The following EXOC4 variants were observed in gnomAD, a reference collection of about 807,000 sequenced individuals.
EXOC4 encodes SEC8-like 1.
In EXOC4, 71 loss-of-function variants were observed where a neutral mutation model predicts 107.2. The observed-to-expected ratio is 0.66, with a 90% CI of 0.55 to 0.81. The LOEUF is 0.81. EXOC4 is among the 30% of genes least tolerant of loss of function. EXOC4 has a pLI of 0.00. For missense variants in EXOC4, 1,108 were observed against 1,189.6 expected, an observed-to-expected ratio of 0.93 and a Z score of 1.01; for synonymous variants, 456 against 441.2, an observed-to-expected ratio of 1.03 and a Z score of -0.42.
At chr7:133,792,280 A>C (rs1796718834) in intron 10 of EXOC4, among the ~76,000 whole-genome samples, 1 of 152,084 alleles carries the variant, frequency 6.6e-6, no homozygotes, top group Non-Finnish European at 1.5e-5. Flanking sequence ...CCTTAAAATG[A>C]GATGGCTCAC....
chr7:133,985,568 G>C (rs1209474806), intron 14 of EXOC4, among the ~76,000 whole-genome samples: 2 of 152,150 alleles, frequency 1.3e-5, no homozygotes, highest in Non-Finnish European at 2.9e-5. Context: ...TAGGGCCAAT[G>C]AGCTTTCTTT....
At chr7:133,600,313 T>C (rs2150986397) in intron 9 of EXOC4, among the ~76,000 whole-genome samples, 1 of 152,320 alleles carries the variant, frequency 6.6e-6, no homozygotes, top group South Asian at 2.1e-4. Flanking sequence ...GGTATCTTGG[T>C]TTTCTCACTG....
intron 10 of EXOC4, among the ~76,000 whole-genome samples, chr7:133,646,168 T>C (rs922751225): frequency 1.8e-4 from 27 of 152,230 alleles, no homozygotes; most frequent in African/African-American, 6.3e-4. Flanking sequence ...ACTTCCACCT[T>C]ACTGAACATC....
chr7:133,727,826 A>G (rs1415564329), intron 10 of EXOC4: 1 of 152,148 alleles, frequency 6.6e-6, no homozygotes, highest in Non-Finnish European at 1.5e-5. Context: ...GATTACTCCC[A>G]TTTTTATTCG....
At position 133,895,603 on chromosome 7, in the gene EXOC4, C is replaced by T. The variant is rs371277479; in HGVS notation, c.1739C>T (p.Thr580Ile). The T allele has an allele frequency of 1.9e-6, 3 of 1,613,836 alleles. No homozygotes were observed. Among genetic ancestry groups the T allele is most frequent in the Non-Finnish European group, 2.5e-6 (3 of 1,179,850 alleles). The change falls in exon 12 of 18, where the codon ACA (threonine) becomes ATA (isoleucine). Residue 580 changes from threonine (T) to isoleucine (I), a missense_variant. Coordinates refer to ENST00000253861, the MANE Select transcript of EXOC4 (RefSeq NM_021807.4). ...CTCTTTGTTGTTCATTTCCAGAGCA[C>T]AATCATTGTGGAGAAGACAGTTCAA... ...LGVQRPLLQS[T>I]IIVEKTVQDL...
At chr7:133,680,738 C>T (rs548964166) in intron 10 of EXOC4, among the ~76,000 whole-genome samples, 3 of 152,292 alleles carry the variant, frequency 2.0e-5, no homozygotes, top group Admixed American at 1.3e-4. Flanking sequence ...CCCCTAATCA[C>T]AGAAGTCTTT....
intron 9 of EXOC4, among the ~76,000 whole-genome samples, chr7:133,501,718 ACCT>A (rs1389132108): frequency 9.2e-5 from 14 of 151,890 alleles, no homozygotes; most frequent in African/African-American, 3.4e-4. Context: ...CTGATGCATG[ACCT>A]CTTTGACAGT....
intron 7 of EXOC4, among the ~76,000 whole-genome samples, chr7:133,420,249 C>T (rs988131837): frequency 3.4e-5 from 5 of 149,122 alleles, no homozygotes; most frequent in Non-Finnish European, 7.4e-5. Flanking sequence ...CGATAGTTTA[C>T]TGAGAATGAT....
At chr7:133,344,472 A>G (rs929106489) in intron 5 of EXOC4, among the ~76,000 whole-genome samples, 4 of 152,268 alleles carry the variant, frequency 2.6e-5, no homozygotes, top group Middle Eastern at 6.8e-3. Flanking sequence ...CTGTCACTAT[A>G]GCAAAGTCCA....
At chr7:133,451,241 T>C (rs1456194872) in intron 7 of EXOC4, among the ~76,000 whole-genome samples, 1 of 152,072 alleles carries the variant, frequency 6.6e-6, no homozygotes, top group East Asian at 1.9e-4. Flanking sequence ...TTTAAATCTT[T>C]TGCATTCATA....
chr7:133,404,906 A>G (rs112837405), intron 7 of EXOC4, among the ~76,000 whole-genome samples: 53 of 4,160 alleles, frequency 0.013, no homozygotes, highest in African/African-American at 0.039. Context: ...ACACACACGC[A>G]CACACACACA....
intron 9 of EXOC4, among the ~76,000 whole-genome samples, chr7:133,606,520 T>TTA (rs1166186900): frequency 1.7e-3 from 221 of 132,790 alleles, no homozygotes; most frequent in Non-Finnish European, 1.9e-3. Context: ...TATTATTATT[T>TTA]TTTTTTTTTT....
intron 10 of EXOC4, among the ~76,000 whole-genome samples, chr7:133,781,086 A>T (rs1047731244): frequency 6.6e-6 from 1 of 152,230 alleles, no homozygotes; most frequent in Non-Finnish European, 1.5e-5. Flanking sequence ...GTTCCTGCCA[A>T]CACTTTGGTT....
At chr7:133,871,614 G>A (rs765944583) in intron 11 of EXOC4, among the ~76,000 whole-genome samples, 5 of 152,044 alleles carry the variant, frequency 3.3e-5, no homozygotes, top group Admixed American at 6.6e-5. Context: ...CAATGATTCA[G>A]TCATTAATTT....
chr7:134,044,108 C>A (rs1268537002), intron 17 of EXOC4, among the ~76,000 whole-genome samples: 1 of 152,144 alleles, frequency 6.6e-6, no homozygotes, highest in Non-Finnish European at 1.5e-5. Flanking sequence ...TGGGTGAAGC[C>A]TAGTGGAGAA....
chr7:133,850,644 A>C lies in EXOC4; in HGVS notation c.1734+33100A>C, dbSNP rs575808299. Among the ~76,000 whole-genome samples, 601 of 131,102 alleles carry C rather than the reference A, an allele frequency of 4.6e-3. 7 individuals carry two copies. The highest frequency in any genetic ancestry group is 0.017 in the Middle Eastern group (4 of 242). 86.0% of individuals were successfully genotyped at this position (131,102 alleles called of 152,430 possible). On this transcript the variant is annotated intron_variant, in intron 11 of 17. Coordinates refer to ENST00000253861, the MANE Select transcript of EXOC4 (RefSeq NM_021807.4). ...AAGGTTATCTAGGTTACCCCCCCAC[A>C]CACACACACACCCATGTCAAAATCC...
At chr7:133,465,182 G>A (rs1798698686) in intron 7 of EXOC4, among the ~76,000 whole-genome samples, 1 of 152,070 alleles carries the variant, frequency 6.6e-6, no homozygotes, top group African/African-American at 2.4e-5. Flanking sequence ...AAAAGAAAAG[G>A]GGAGAAAGCA....
At chr7:133,527,643 A>C (rs780852832) in intron 9 of EXOC4, among the ~76,000 whole-genome samples, 2 of 152,158 alleles carry the variant, frequency 1.3e-5, no homozygotes, top group Non-Finnish European at 2.9e-5. Flanking sequence ...GTTGTGTAGA[A>C]GAGAAAAATT....
intron 10 of EXOC4, among the ~76,000 whole-genome samples, chr7:133,684,658 A>G (rs2151071353): frequency 6.6e-6 from 1 of 152,326 alleles, no homozygotes. Flanking sequence ...GTTGGGTAAA[A>G]TGCAATAAAC....
Sources: gnomAD v4.1 joint callset for allele counts (sites outside exome capture counted in the v4.1 genomes callset) on GRCh38, gnomAD v4.1.1 for gene constraint, MANE v1.5 for transcripts, NCBI Gene and HGNC (gene_info 2026-07-23, HGNC 2026-07-21) for gene names.